The following HLF variants were observed in gnomAD, a reference collection of about 807,000 sequenced individuals.
The protein encoded by HLF is hepatic leukemia factor.
A neutral mutation model predicts 22.6 loss-of-function variants in HLF; 3 were observed. The ratio of observed to expected loss-of-function variants is 0.13; its 90% CI spans 0.06 to 0.34. The LOEUF (loss-of-function observed/expected upper bound fraction) is 0.34, where lower values mean the gene tolerates loss of function less well. Among genes scored for constraint, HLF ranks in the 10% least tolerant of loss-of-function variants. The pLI is 1.00. For missense variants in HLF, 299 were observed against 389.2 expected, an observed-to-expected ratio of 0.77 and a Z score of 1.95; for synonymous variants, 151 against 151.8, an observed-to-expected ratio of 0.99 and a Z score of 0.04.
intron 2 of HLF, chr17:55,289,040 A>G (rs776869835): frequency 5.4e-5 from 32 of 589,486 alleles, no homozygotes; most frequent in East Asian, 1.4e-4. Context: ...ATGGATATAA[A>G]TTTTTTTAAA....
intron 2 of HLF, among the ~76,000 whole-genome samples, chr17:55,301,473 A>T (rs1224848134): frequency 6.6e-6 from 1 of 152,256 alleles, no homozygotes; most frequent in Non-Finnish European, 1.5e-5. Flanking sequence ...TGATAAAAAA[A>T]TTATCAGTAT....
chr17:55,272,313 G>A (rs749539288), intron 2 of HLF: 1 of 152,260 alleles, frequency 6.6e-6, no homozygotes, highest in Non-Finnish European at 1.5e-5. Context: ...TTTAGGGAAA[G>A]TCATCTATAG....
intron 2 of HLF, among the ~76,000 whole-genome samples, chr17:55,276,362 A>G (rs2080904488): frequency 6.6e-6 from 1 of 152,206 alleles, no homozygotes; most frequent in Non-Finnish European, 1.5e-5. Flanking sequence ...AATGACGGGT[A>G]TATAGAGGCC....
intron 2 of HLF, among the ~76,000 whole-genome samples, chr17:55,281,386 C>T (rs1367801624): frequency 6.6e-6 from 1 of 152,072 alleles, no homozygotes; most frequent in Non-Finnish European, 1.5e-5. Context: ...GGTAGCAGGT[C>T]CCTGTAATCC....
intron 2 of HLF, among the ~76,000 whole-genome samples, chr17:55,307,719 G>A (rs1904645832): frequency 6.6e-6 from 1 of 151,860 alleles, no homozygotes; most frequent in South Asian, 2.1e-4. Context: ...ATCTGGGGCA[G>A]CAGCAGGTAA....
chr17:55,278,491 C>A (rs899887714), intron 2 of HLF, among the ~76,000 whole-genome samples: 3 of 151,968 alleles, frequency 2.0e-5, no homozygotes, highest in Non-Finnish European at 2.9e-5. Context: ...AAGAGTTAAG[C>A]ACGCCTGTCC....
At chr17:55,302,335 A>ATGTT (rs558007243) in intron 2 of HLF, among the ~76,000 whole-genome samples, 1 of 152,362 alleles carries the variant, frequency 6.6e-6, no homozygotes, top group Admixed American at 6.5e-5. Context: ...TTGGAAAGGC[A>ATGTT]TGTTTGCCTT....
chr17:55,279,915 A>G (rs2080938486), intron 2 of HLF, among the ~76,000 whole-genome samples: 1 of 151,964 alleles, frequency 6.6e-6, no homozygotes, highest in African/African-American at 2.4e-5. Context: ...ATTTTCATTC[A>G]TTTACCTGCC....
At chr17:55,306,733 A>G (rs1302587307) in intron 2 of HLF, among the ~76,000 whole-genome samples, 1 of 151,914 alleles carries the variant, frequency 6.6e-6, no homozygotes, top group Non-Finnish European at 1.5e-5. Flanking sequence ...AAGACTTTCT[A>G]TCTCTTTTTT....
intron 2 of HLF, among the ~76,000 whole-genome samples, chr17:55,289,563 A>G (rs2145329009): frequency 6.6e-6 from 1 of 152,362 alleles, no homozygotes; most frequent in Non-Finnish European, 1.5e-5. Context: ...TGCATAAAAT[A>G]GTGCATAAAA....
At chr17:55,287,548 AC>A (rs1263155229) in intron 2 of HLF, among the ~76,000 whole-genome samples, 1 of 152,242 alleles carries the variant, frequency 6.6e-6, no homozygotes, top group Admixed American at 6.5e-5. Context: ...GAAACAATGC[AC>A]AGTGCATTTC....
intron 3 of HLF, chr17:55,318,911 CTCTCCCCTGCCTCCA>C (rs1299081066): frequency 6.5e-6 from 1 of 152,804 alleles, no homozygotes; most frequent in Non-Finnish European, 1.5e-5. Flanking sequence ...TCCTCCCAGC[CTCTCCCCTGCCTCCA>C]GCTCCCCTGC....
At chr17:55,309,131 T>A (rs182148658) in intron 2 of HLF, among the ~76,000 whole-genome samples, 2 of 152,114 alleles carry the variant, frequency 1.3e-5, no homozygotes, top group East Asian at 3.9e-4. Flanking sequence ...GCAGGTCCCA[T>A]GGAATAGGAC....
chr17:55,277,228 A>G (rs544053890), intron 2 of HLF, among the ~76,000 whole-genome samples: 57 of 124,388 alleles, frequency 4.6e-4, no homozygotes, highest in African/African-American at 1.6e-3. Context: ...ATATTGAACC[A>G]GATGTTATGT....
intron 2 of HLF, 91 bp downstream of exon 2, chr17:55,268,177 A>G: frequency 1.1e-6 from 1 of 932,766 alleles, no homozygotes; most frequent in Non-Finnish European, 1.6e-6. Context: ...CTTAACACTC[A>G]GGTTTTAGCA....
intron 2 of HLF, chr17:55,288,920 C>G: frequency 1.0e-6 from 1 of 985,332 alleles, no homozygotes; most frequent in Non-Finnish European, 1.2e-6. Flanking sequence ...CTGCATGTTC[C>G]CAGATCACCT....
At chr17:55,265,947 G>A (rs1414174078) in intron 1 of HLF, 5 of 788,098 alleles carry the variant, frequency 6.3e-6, no homozygotes, top group Non-Finnish European at 7.9e-6. Flanking sequence ...CCTGCGGAGG[G>A]CAGAGCCTCC....
intron 2 of HLF, among the ~76,000 whole-genome samples, chr17:55,307,147 C>T (rs1434219931): frequency 1.4e-5 from 1 of 70,122 alleles, no homozygotes; most frequent in Admixed American, 2.1e-4. Flanking sequence ...TCTCAGCGGC[C>T]TTTTTTTTTT....
At chr17:55,317,637 A>G (rs1905121281) in intron 3 of HLF, among the ~76,000 whole-genome samples, 1 of 151,682 alleles carries the variant, frequency 6.6e-6, no homozygotes. Context: ...ATGAGCTAAT[A>G]TAAAGCAGGA....
Sources: gnomAD v4.1 joint callset for allele counts (sites outside exome capture counted in the v4.1 genomes callset) on GRCh38, gnomAD v4.1.1 for gene constraint, MANE v1.5 for transcripts, NCBI Gene and HGNC (gene_info 2026-07-23, HGNC 2026-07-21) for gene names.